Variants in RNF19A observed in about 807,000 individuals in gnomAD.
RNF19A encodes E3 ubiquitin-protein ligase RNF19A.
RNF19A carries 32 observed loss-of-function variants against 75.7 expected under a neutral mutation model. The ratio of observed to expected loss-of-function variants is 0.42; its 90% CI spans 0.32 to 0.57. The LOEUF (loss-of-function observed/expected upper bound fraction) is 0.57, where lower values mean the gene tolerates loss of function less well. RNF19A is among the 20% of genes least tolerant of loss of function. The pLI is 0.10. For missense variants in RNF19A, 782 were observed against 1,036.3 expected, an observed-to-expected ratio of 0.75 and a Z score of 3.37; for synonymous variants, 335 against 345.2, an observed-to-expected ratio of 0.97 and a Z score of 0.33.
At chr8:100,299,105 C>T (rs1406436328) in intron 1 of RNF19A, among the ~76,000 whole-genome samples, 1 of 152,200 alleles carries the variant, frequency 6.6e-6, no homozygotes, top group East Asian at 1.9e-4. Context: ...TGGTTCTCAA[C>T]AGAAGGGAAA....
intron 1 of RNF19A, among the ~76,000 whole-genome samples, chr8:100,308,690 A>T (rs1044699001): frequency 1.2e-4 from 8 of 66,366 alleles, no homozygotes; most frequent in Non-Finnish European, 2.8e-4. Context: ...CATGTTCTTT[A>T]AAAAAAAAAA....
At position 100,323,250 on chromosome 8, in the gene RNF19A, T is replaced by C. The variant is rs191592601; in HGVS notation, c.-242-9878A>G. 2.2e-4 allele frequency among the ~76,000 whole-genome samples: 34 copies of C among 152,356 alleles called. No individual in the cohort carries two copies. The East Asian group carries it at 5.2e-3, about 23-fold the overall frequency. ...GTTTTTATTTGAAGGTAGTATTTCA[T>C]AGAAAGTTTTTAAGGAAGAAAGAAA... On this transcript the variant is annotated intron_variant, in intron 1 of 3. Coordinates refer to the RNF19A transcript ENST00000519527. The surrounding 1 kb of genome is among the most constrained non-coding windows in gnomAD (Gnocchi z 4.6).
Position 100,259,355 on chromosome 8 carries a change from G to A in RNF19A, c.1827-109C>T, listed in dbSNP as rs1260656388. 2 of 813,952 alleles carry A rather than the reference G, an allele frequency of 2.5e-6. No homozygotes were observed. Among genetic ancestry groups the A allele is most frequent in the African/African-American group, 1.7e-5 (1 of 58,578 alleles). 50.4% of individuals were successfully genotyped at this position (813,952 alleles called of 1,614,324 possible). Reference sequence around the variant, plus strand: ...AATTCAGACTATATATAAGCTATGAGAACACCTTAACGCAGAACACGTTCT... The same window carrying A: ...AATTCAGACTATATATAAGCTATGAAAACACCTTAACGCAGAACACGTTCT... On this transcript the variant is annotated intron_variant, in intron 9 of 9. Coordinates refer to ENST00000341084, the MANE Select transcript of RNF19A (RefSeq NM_183419.4). The surrounding 1 kb of genome is among the most constrained non-coding windows in gnomAD (Gnocchi z 4.5).
In RNF19A at chr8:100,258,762, A is replaced by T; in HGVS notation, c.2311T>A (p.Ser771Thr). The change falls in exon 10 of 10, where the codon TCC becomes ACC. Residue 771 changes from serine to threonine, a missense_variant. Coordinates refer to ENST00000341084, the MANE Select transcript of RNF19A (RefSeq NM_183419.4). This position sits in a 1 kb window ranked among gnomAD's most constrained non-coding sequence, Gnocchi z 4.3. ...PEVENDRLENSPHQCSISVVT... is the reference protein window; with the variant it reads ...PEVENDRLENTPHQCSISVVT... ...ACAGAAATGCTACACTGATGTGGGG[A>T]ATTTTCCAGACGGTCATTTTCTACC... 3 of 1,614,220 alleles carry T rather than the reference A, an allele frequency of 1.9e-6. No individual in the cohort carries two copies. Among genetic ancestry groups the T allele is most frequent in the Non-Finnish European group, 2.5e-6 (3 of 1,180,040 alleles).
At chr8:100,304,498 A>C (rs1821984935) in intron 1 of RNF19A, among the ~76,000 whole-genome samples, 1 of 152,002 alleles carries the variant, frequency 6.6e-6, no homozygotes, top group African/African-American at 2.4e-5. Context: ...TCCCACCCCC[A>C]CTTACGCACT....
intron 3 of RNF19A, among the ~76,000 whole-genome samples, chr8:100,271,316 A>T (rs1193602621): frequency 1.3e-5 from 2 of 152,186 alleles, no homozygotes; most frequent in African/African-American, 2.4e-5. Flanking sequence ...TCATGATTTA[A>T]ATGATCAAAA....
intron 2 of RNF19A, among the ~76,000 whole-genome samples, chr8:100,278,149 T>TG (rs1820612916): frequency 6.6e-6 from 1 of 152,252 alleles, no homozygotes. Flanking sequence ...TTAGTTTGGC[T>TG]TAGCCTCAGT....
At chr8:100,278,030 C>T (rs1387153591) in intron 2 of RNF19A, among the ~76,000 whole-genome samples, 2 of 152,162 alleles carry the variant, frequency 1.3e-5, no homozygotes, top group South Asian at 2.1e-4. Flanking sequence ...GAAGTTTTAG[C>T]GTGGCCAGTT....
At chr8:100,289,016 C>T (rs113336016) in intron 1 of RNF19A, among the ~76,000 whole-genome samples, 9 of 148,224 alleles carry the variant, frequency 6.1e-5, no homozygotes, top group East Asian at 2.0e-4. Context: ...GCCGAGATTG[C>T]GCCGCTGCAC....
Position 100,261,639 on chromosome 8 carries a change from G to A in RNF19A, c.1585C>T (p.Arg529Ter). 6.2e-7 allele frequency: 1 copy of A among 1,614,042 alleles called. No homozygotes were observed. The highest frequency in any genetic ancestry group is 8.5e-7 in the Non-Finnish European group (1 of 1,179,996). The change falls in exon 8 of 10, where the codon CGA (arginine) becomes TGA (stop). Residue 529 changes from arginine (R) to a stop codon, truncating the protein, a stop_gained. Coordinates refer to ENST00000341084, the MANE Select transcript of RNF19A (RefSeq NM_183419.4). LOFTEE classifies it high-confidence loss of function. This position sits in a 1 kb window ranked among gnomAD's most constrained non-coding sequence, Gnocchi z 4.4. The stretch of plus-strand genomic sequence containing the variant: ...CTGGCCGTTTCACTCAGGTTGTCTC[G>A]GATGGCTCCTATTCGATCCATGTGG... Reference protein sequence around the residue: ...GSHMDRIGAIRDNLSETASTM... With the variant: ...GSHMDRIGAI
intron 1 of RNF19A, among the ~76,000 whole-genome samples, chr8:100,301,591 C>A (rs1821831472): frequency 6.6e-6 from 1 of 152,154 alleles, no homozygotes; most frequent in African/African-American, 2.4e-5. Context: ...TTGTCTCTGC[C>A]TGGAGTATTC....
Position 100,288,032 on chromosome 8 carries a change from G to A in RNF19A, c.143C>T (p.Ala48Val). ...GACTGAAGGCAAGCTCACAGATGAA[G>A]CAGAGGACTGAAGATCTCGATCTGA... Reference protein sequence around the residue: ...MGSDRDLQSSASSVSLPSVKK... With the variant: ...MGSDRDLQSSVSSVSLPSVKK... The change falls in exon 2 of 10, where the codon GCT (alanine) becomes GTT (valine). Residue 48 changes from alanine (A) to valine (V), a missense_variant. Ala to Val is a moderately conservative substitution (Grantham distance 64). Coordinates refer to ENST00000341084, the MANE Select transcript of RNF19A (RefSeq NM_183419.4). The A allele has an allele frequency of 6.2e-6, 10 of 1,614,186 alleles. No individual in the cohort carries two copies. Among genetic ancestry groups the A allele is most frequent in the Non-Finnish European group, 7.6e-6 (9 of 1,180,026 alleles).
rs1023313792 is a variant in RNF19A at position 100,264,891 on chromosome 8, C to T, written c.1192-106G>A. 27 of 794,204 alleles carry T rather than the reference C, an allele frequency of 3.4e-5. No homozygotes were observed. Among genetic ancestry groups the T allele is most frequent in the South Asian group, 3.1e-4 (19 of 61,572 alleles). 49.2% of individuals were successfully genotyped at this position (794,204 alleles called of 1,614,324 possible). ...GCTAAAGTGATTTTTCATAGAAGTT[C>T]GTAGCTGAGTATCTTAGTTCAAGGT... is the stretch of plus-strand genomic sequence containing the variant. On this transcript the variant is annotated intron_variant, in intron 5 of 9. Transcript: ENST00000341084. The surrounding 1 kb of genome is among the most constrained non-coding windows in gnomAD (Gnocchi z 4.7).
intron 1 of RNF19A, among the ~76,000 whole-genome samples, chr8:100,316,404 C>G (rs1822376523): frequency 6.6e-6 from 1 of 152,154 alleles, no homozygotes; most frequent in Admixed American, 6.5e-5. Context: ...TCTTATCTGG[C>G]CCCACCCACA....
chr8:100,295,675 T>C (rs1586663883), intron 1 of RNF19A, among the ~76,000 whole-genome samples: 1 of 152,310 alleles, frequency 6.6e-6, no homozygotes. Flanking sequence ...AGTAGCTGAC[T>C]ACCAAAAAAT....
In RNF19A at chr8:100,332,106, A is replaced by G. The variant is rs147079123; in HGVS notation, c.-243+4002T>C. ...TATTATTTTACACATATTGTGAATT[A>G]CCTGTAGGATAAATTCCTAAAAGTG... On this transcript the variant is annotated intron_variant, in intron 1 of 3. Coordinates refer to the RNF19A transcript ENST00000519527. The surrounding 1 kb of genome is among the most constrained non-coding windows in gnomAD (Gnocchi z 4.8). 2.0e-3 allele frequency among the ~76,000 whole-genome samples: 312 copies of G among 152,334 alleles called. 1 individual carries two copies. The highest frequency in any genetic ancestry group is 2.7e-3 in the Non-Finnish European group (185 of 68,028).
In RNF19A at chr8:100,275,507, C is replaced by T. The variant is rs1325189555; in HGVS notation, c.675-346G>A. On this transcript the variant is annotated intron_variant, in intron 2 of 9. Transcript: ENST00000341084. This position sits in a 1 kb window ranked among gnomAD's most constrained non-coding sequence, Gnocchi z 4.3. Reference sequence around the variant, plus strand: ...GCTTCTAATGATTCTGTCGCCCAAACAGTGAACACAGTACCTGACAGGCAG... The same window carrying T: ...GCTTCTAATGATTCTGTCGCCCAAATAGTGAACACAGTACCTGACAGGCAG... Among the ~76,000 whole-genome samples, 3 of 151,674 alleles carry T rather than the reference C, an allele frequency of 2.0e-5. No homozygotes were observed. The highest frequency in any genetic ancestry group is 4.8e-5 in the African/African-American group (2 of 41,360).
chr8:100,259,013 T>C lies in RNF19A; in HGVS notation c.2060A>G (p.Asn687Ser), dbSNP rs202025017. 2.0e-4 allele frequency: 329 copies of C among 1,614,116 alleles called. No homozygotes were observed. The highest frequency in any genetic ancestry group is 2.6e-4 in the Non-Finnish European group (307 of 1,180,046). Residue 687 changes from asparagine to serine, a missense_variant, in exon 10 of 10, where the codon AAT (asparagine) becomes AGT (serine). Physicochemically the swap from Asn to Ser is conservative, Grantham distance 46. Around this residue, in one of 7 missense-constraint regions of RNF19A, gnomAD observed 442 missense variants for 541.6 expected, o/e 0.82. Transcript: ENST00000341084. The surrounding 1 kb of genome is among the most constrained non-coding windows in gnomAD (Gnocchi z 4.5). ...TGCATCCATGTCCTCTCTCGTCTCA[T>C]TTATCTTCATGTTACCCTTTTTCCT... ...KLRKKGNMKINETREDMDAQL... is the reference protein window; with the variant it reads ...KLRKKGNMKISETREDMDAQL...
At chr8:100,307,217 A>G (rs1463089543) in intron 1 of RNF19A, among the ~76,000 whole-genome samples, 5 of 152,218 alleles carry the variant, frequency 3.3e-5, no homozygotes, top group South Asian at 2.1e-4. Context: ...AGAAAAACGA[A>G]TAACAATTCC....
Sources: allele counts gnomAD v4.1 joint callset (sites outside exome capture counted in the v4.1 genomes callset), GRCh38; gene constraint gnomAD v4.1.1; regional missense constraint gnomAD v4.1.1; non-coding constraint Gnocchi (gnomAD v3.1); transcripts MANE v1.5; gene names NCBI Gene and HGNC (gene_info 2026-07-23, HGNC 2026-07-21).